The following MEIOB variants were observed in gnomAD, a reference collection of about 807,000 sequenced individuals.
MEIOB encodes the protein meiosis specific with OB-fold.
Under a neutral mutation model 53.1 loss-of-function variants are expected in MEIOB, and 50 were observed. That is an observed-to-expected ratio of 0.94 (90% CI 0.75 to 1.19). The LOEUF (loss-of-function observed/expected upper bound fraction) is 1.19, where lower values mean the gene tolerates loss of function less well. Ranked by LOEUF, MEIOB falls within the 50% of genes most tolerant of loss-of-function variation. The pLI, the probability that MEIOB is intolerant of heterozygous loss-of-function variation, is 0.00. For missense variants in MEIOB, 551 were observed against 550.8 expected (o/e 1.00, Z 0.00); for synonymous variants, 192 against 182.5 (o/e 1.05, Z -0.42).
intron 2 of MEIOB, among the ~76,000 whole-genome samples, chr16:1,866,865 A>ACAATGT (rs1899607066): frequency 6.6e-6 from 1 of 152,198 alleles, no homozygotes; most frequent in South Asian, 2.1e-4. Context: ...TCAGGCTTTT[A>ACAATGT]AGACTCCTAC....
chr16:1,871,462 A>G (rs1280162612), intron 1 of MEIOB, among the ~76,000 whole-genome samples: 7 of 98,334 alleles, frequency 7.1e-5, no homozygotes, highest in Middle Eastern at 8.5e-3. Context: ...CTCGTGATCC[A>G]CCCGCCTCGG....
At chr16:1,865,574 CATAT>C (rs144410977) in intron 3 of MEIOB, among the ~76,000 whole-genome samples, 200 bp downstream of exon 3, 2 of 122,858 alleles carry the variant, frequency 1.6e-5, no homozygotes, top group Non-Finnish European at 3.6e-5. Flanking sequence ...TGTATGTATA[CATAT>C]ATATAGAGAG....
intron 1 of MEIOB, among the ~76,000 whole-genome samples, chr16:1,869,412 C>T (rs1399053205): frequency 6.6e-6 from 1 of 152,108 alleles, no homozygotes; most frequent in African/African-American, 2.4e-5. Flanking sequence ...CCACCAAGCC[C>T]AGCCAAATTT....
Position 1,862,034 on chromosome 16 carries a change from A to G in MEIOB, c.210T>C (p.Asn70=). The G allele has an allele frequency of 6.4e-7, 1 of 1,551,512 alleles. No homozygotes were observed. Among genetic ancestry groups the G allele is most frequent in the Non-Finnish European group, 8.7e-7 (1 of 1,146,860 alleles). Residue 70 remains asparagine (N), a synonymous_variant, in exon 4 of 14, where the codon AAT becomes AAC. Coordinates refer to ENST00000325962, the MANE Select transcript of MEIOB (RefSeq NM_001163560.3). ...AHFVNAASWG[N]EDYIKSLSDS... ...CAGAAAGAGACTTGATGTAATCTTC[A>G]TTGCCCCAGGAAGCTGCATTTACAA...
intron 9 of MEIOB, among the ~76,000 whole-genome samples, chr16:1,846,319 G>A (rs989815023): frequency 2.0e-5 from 3 of 152,130 alleles, no homozygotes; most frequent in Non-Finnish European, 2.9e-5. Flanking sequence ...AGCACTGCAG[G>A]TCCTCACTGA....
At chr16:1,839,571 G>T in intron 11 of MEIOB, 133 bp from the exon 12 acceptor site, 1 of 749,306 alleles carries the variant, frequency 1.3e-6, no homozygotes, top group Non-Finnish European at 2.1e-6. Context: ...GTGCTATGCG[G>T]TCTACAAGAC....
chr16:1,868,319 G>T (rs1472397979), intron 1 of MEIOB, 135 bp from the exon 2 acceptor site: 2 of 457,392 alleles, frequency 4.4e-6, no homozygotes, highest in South Asian at 5.4e-5. Context: ...CACTTTGGGA[G>T]GCTGAAGTGG....
In MEIOB at chr16:1,857,895, G is replaced by A; in HGVS notation, c.368C>T (p.Thr123Ile). 8.4e-6 allele frequency: 13 copies of A among 1,550,726 alleles called. No individual in the cohort carries two copies. The highest frequency in any genetic ancestry group is 1.2e-5 in the South Asian group (1 of 83,868). Residue 123 changes from threonine to isoleucine, a missense_variant, in exon 6 of 14, where the codon ACA becomes ATA. Transcript: ENST00000325962. ...TTCATAACTGGAACAAACTTTTACT[G>A]TTGAGTGATTCTCACTGAGCAACAG... The part of the protein sequence containing the change: ...CKLLLSENHS[T>I]VKVCSSYEVD...
At chr16:1,855,902 T>A in intron 6 of MEIOB, among the ~76,000 whole-genome samples, 1 of 150,746 alleles carries the variant, frequency 6.6e-6, no homozygotes, top group East Asian at 2.0e-4. Flanking sequence ...TTTACTTACA[T>A]GAACTATCAT....
intron 9 of MEIOB, among the ~76,000 whole-genome samples, chr16:1,846,808 G>C (rs959745671): frequency 2.0e-5 from 3 of 152,172 alleles, no homozygotes; most frequent in Non-Finnish European, 4.4e-5. Flanking sequence ...TGGGGAATGG[G>C]GGGTGAGGGG....
intron 1 of MEIOB, among the ~76,000 whole-genome samples, chr16:1,869,822 C>G (rs1487706871): frequency 6.6e-6 from 1 of 151,476 alleles, no homozygotes; most frequent in South Asian, 2.1e-4. Flanking sequence ...CAAAAATCTA[C>G]GTAAACACCT....
intron 13 of MEIOB, among the ~76,000 whole-genome samples, chr16:1,836,158 C>G (rs1334404812): frequency 6.9e-6 from 1 of 144,462 alleles, no homozygotes; most frequent in Non-Finnish European, 1.5e-5. Context: ...AAATCTTCAA[C>G]ATGTGTTATT....
intron 10 of MEIOB, among the ~76,000 whole-genome samples, chr16:1,842,623 C>CAAAAAAAAAAAAAAAAAAAAAAAA (rs202147878): frequency 1.4e-4 from 14 of 97,718 alleles, no homozygotes; most frequent in African/African-American, 4.5e-4. Flanking sequence ...AACTCCATCT[C>CAAAAAAAAAAAAAAAAAAAAAAAA]AAAAAGACAG....
intron 1 of MEIOB, among the ~76,000 whole-genome samples, chr16:1,869,170 G>A (rs984961082): frequency 6.6e-6 from 1 of 151,982 alleles, no homozygotes; most frequent in Non-Finnish European, 1.5e-5. Flanking sequence ...TGTGCCCCAG[G>A]GTGGAGTGCA....
intron 9 of MEIOB, 93 bp downstream of exon 9, chr16:1,852,946 C>A: frequency 2.6e-6 from 2 of 780,554 alleles, no homozygotes; most frequent in Non-Finnish European, 2.0e-6. Flanking sequence ...GAATTAAATC[C>A]AGGCTGAATT....
At chr16:1,837,180 G>T (rs757804793) in intron 13 of MEIOB, among the ~76,000 whole-genome samples, 2 of 151,190 alleles carry the variant, frequency 1.3e-5, no homozygotes, top group Non-Finnish European at 3.0e-5. Context: ...GAGGATCATG[G>T]AATTTTGCAG....
intron 10 of MEIOB, 143 bp downstream of exon 10, chr16:1,844,719 C>A: frequency 1.9e-6 from 1 of 518,876 alleles, no homozygotes. Flanking sequence ...AAAAAGATGC[C>A]CACTATTTTA....
chr16:1,871,651 A>G (rs1011510417), intron 1 of MEIOB, among the ~76,000 whole-genome samples: 3 of 145,950 alleles, frequency 2.1e-5, no homozygotes, highest in Non-Finnish European at 4.5e-5. Flanking sequence ...CAGCCTCCAC[A>G]GTAGCTGGGA....
chr16:1,850,414 A>T (rs1357183001), intron 9 of MEIOB, among the ~76,000 whole-genome samples: 1 of 151,798 alleles, frequency 6.6e-6, no homozygotes, highest in Admixed American at 6.6e-5. Context: ...CCCCGTCTCT[A>T]CTAAAAGCAT....
Sources: gnomAD v4.1 joint callset for allele counts (sites outside exome capture counted in the v4.1 genomes callset) on GRCh38, gnomAD v4.1.1 for gene constraint, MANE v1.5 for transcripts, NCBI Gene and HGNC (gene_info 2026-07-23, HGNC 2026-07-21) for gene names.